ATP2B3: variants seen among roughly 807,000 people sequenced by gnomAD.
ATP2B3 encodes the protein plasma membrane calcium-transporting ATPase 3.
In ATP2B3, 12 loss-of-function variants were observed where a neutral mutation model predicts 70.8. The observed-to-expected ratio is 0.17, with a 90% CI of 0.11 to 0.27. The LOEUF is 0.27. Among genes scored for constraint, ATP2B3 ranks in the 10% least tolerant of loss-of-function variants. The pLI, the probability that ATP2B3 is intolerant of heterozygous loss-of-function variation, is 1.00. For missense variants in ATP2B3, 858 were observed against 1,118.5 expected, an observed-to-expected ratio of 0.77 and a Z score of 3.32; for synonymous variants, 460 against 497.8, an observed-to-expected ratio of 0.92 and a Z score of 1.01.
At chrX:153,538,521 C>T (rs1165377467) in intron 3 of ATP2B3, among the ~76,000 whole-genome samples, 4 of 113,044 alleles carry the variant, frequency 3.5e-5, no homozygotes, top group Non-Finnish European at 7.5e-5. Context: ...GAGGTGGGTT[C>T]GCCCGGGAAC....
intron 9 of ATP2B3, among the ~76,000 whole-genome samples, chrX:153,548,277 GC>G (rs1436768344): frequency 1.1e-5 from 1 of 94,152 alleles, no homozygotes; most frequent in African/African-American, 3.4e-5. Flanking sequence ...TCCAGGCTCT[GC>G]CCCTGGCACC....
At chrX:153,571,674 C>T (rs1007559241) in intron 21 of ATP2B3, among the ~76,000 whole-genome samples, 3 of 112,574 alleles carry the variant, frequency 2.7e-5, no homozygotes, top group Non-Finnish European at 3.8e-5. Context: ...TCCCCACCTC[C>T]GGAGCCTGGC....
chrX:153,530,932 T>C (rs1022449219), intron 2 of ATP2B3, among the ~76,000 whole-genome samples: 4 of 112,396 alleles, frequency 3.6e-5, no homozygotes, highest in African/African-American at 1.3e-4. Flanking sequence ...GCCCAGGAGC[T>C]GCAGCGACGG....
intron 3 of ATP2B3, among the ~76,000 whole-genome samples, chrX:153,537,734 C>T (rs1044364925): frequency 5.3e-5 from 6 of 112,556 alleles, no homozygotes; most frequent in African/African-American, 1.9e-4. Flanking sequence ...GCCCAGCCCC[C>T]GAGGAGGCTG....
chrX:153,559,031 C>T (rs897966156), intron 17 of ATP2B3, among the ~76,000 whole-genome samples: 18 of 45,318 alleles, frequency 4.0e-4, no homozygotes, highest in African/African-American at 1.6e-3. Context: ...CTTTTCAAAA[C>T]AATTTTTTAA....
At chrX:153,542,936 C>A (rs1435182261) in intron 6 of ATP2B3, 107 bp from the exon 7 acceptor site, 1 of 1,050,353 alleles carries the variant, frequency 9.5e-7, no homozygotes, top group East Asian at 3.2e-5. Context: ...AAGGTGGACA[C>A]CGCGTCCCTG....
chrX:153,538,824 C>T (rs781830133), intron 3 of ATP2B3, among the ~76,000 whole-genome samples: 2 of 113,055 alleles, frequency 1.8e-5, no homozygotes, highest in Non-Finnish European at 3.8e-5. Flanking sequence ...GTCGGGACCC[C>T]GAGCCCACAG....
chrX:153,568,431 T>G (rs1190687928), intron 21 of ATP2B3, among the ~76,000 whole-genome samples: 3 of 110,777 alleles, frequency 2.7e-5, no homozygotes, highest in Non-Finnish European at 5.7e-5. Context: ...AAGGCATCTT[T>G]CCTATCCCTC....
chrX:153,541,474 C>T lies in ATP2B3; in HGVS notation c.324C>T (p.Asp108=), dbSNP rs782078825. 2.1e-5 allele frequency: 25 copies of T among 1,210,210 alleles called. No individual in the cohort carries two copies. In the East Asian group the frequency reaches 2.4e-4, roughly 11 times the overall value. ...AGCTGGTGTGGGAGGCCCTGCAGGA[C>T]GTGACCCTCATCATCCTGGAGGTGG... ...FLQLVWEALQ[D]VTLIILEVAA... is the part of the protein sequence containing the mutation. Residue 108 remains aspartate (D), a synonymous_variant, in exon 4 of 22, where the codon GAC becomes GAT. Transcript: ENST00000263519.
Position 153,541,936 on chromosome X carries a change from CT to C in ATP2B3, c.664+11del, listed in dbSNP as rs2090288826. On this transcript the variant is annotated intron_variant, in intron 5 of 21. Coordinates refer to ENST00000263519, the MANE Select transcript of ATP2B3 (RefSeq NM_001001344.3). ...GCCCAGGTCAAGTACGGTGAGTGCC[CT>C]GGTCTTCACCCACCCTGTCAAGGAA... The C allele has an allele frequency of 8.4e-7, 1 of 1,194,997 alleles. No homozygotes were observed. Among genetic ancestry groups the C allele is most frequent in the Non-Finnish European group, 1.1e-6 (1 of 885,541 alleles).
rs188656772 is a variant in ATP2B3, at chrX:153,582,386, T to C, written c.*2088T>C. The C allele has an allele frequency of 8.9e-6, 1 of 112,861 alleles. No individual in the cohort carries two copies. Among genetic ancestry groups the C allele is most frequent in the Admixed American group, 9.4e-5 (1 of 10,681 alleles). 9.3% of individuals were successfully genotyped at this position (112,861 alleles called of 1,213,427 possible). On this transcript the variant is annotated 3_prime_UTR_variant, in exon 22 of 22. Transcript: ENST00000263519. Reference sequence around the variant, plus strand: ...AAACGATAATAAGAAAAAGGGCAACTCCATTTGTTGAGGGTCTTTGTGTTC... The same window carrying C: ...AAACGATAATAAGAAAAAGGGCAACCCCATTTGTTGAGGGTCTTTGTGTTC...
chrX:153,559,681 C>T, intron 17 of ATP2B3, 48 bp from the exon 18 acceptor site: 1 of 1,160,466 alleles, frequency 8.6e-7, no homozygotes, highest in African/African-American at 1.8e-5. Context: ...CACCCCCAAC[C>T]TTCCCGGGCA....
intron 2 of ATP2B3, among the ~76,000 whole-genome samples, chrX:153,528,470 G>A (rs1331242416): frequency 9.0e-6 from 1 of 111,716 alleles, no homozygotes; most frequent in African/African-American, 3.3e-5. Flanking sequence ...GGAGCTCAGG[G>A]GAAAGTGGGG....
intron 2 of ATP2B3, among the ~76,000 whole-genome samples, chrX:153,530,811 G>A (rs1301872423): frequency 9.1e-6 from 1 of 109,505 alleles, no homozygotes; most frequent in Admixed American, 9.6e-5. Context: ...AGCACTGGGG[G>A]CCGGTGGGGG....
At chrX:153,519,601 C>T (rs1603000973) in intron 2 of ATP2B3, among the ~76,000 whole-genome samples, 1 of 112,651 alleles carries the variant, frequency 8.9e-6, no homozygotes, top group African/African-American at 3.2e-5. Flanking sequence ...CAGAGGGTCC[C>T]AGGGTGAGGT....
At chrX:153,538,603 C>T (rs2090230795) in intron 3 of ATP2B3, among the ~76,000 whole-genome samples, 2 of 112,881 alleles carry the variant, frequency 1.8e-5, no homozygotes, top group Admixed American at 9.3e-5. Context: ...CGCTGGGAGC[C>T]GACACGAGAT....
In ATP2B3 at chrX:153,559,918, A is replaced by G; in HGVS notation, c.2815A>G (p.Ile939Val). 8.3e-7 allele frequency: 1 copy of G among 1,211,417 alleles called. No homozygotes were observed. The highest frequency in any genetic ancestry group is 1.7e-5 in the African/African-American group (1 of 57,866). ...GGGCCACGCCGTGTACCAGCTCGCC[A>G]TCATCTTCACCCTGCTGTTTGTCGG... ...ILGHAVYQLA[I>V]IFTLLFVGEL... The change falls in exon 18 of 22, where the codon ATC becomes GTC. Residue 939 changes from isoleucine (I) to valine (V), a missense_variant. Physicochemically the swap from Ile to Val is conservative, Grantham distance 29. This residue lies in a region of ATP2B3 where 265 missense variants were observed against 305.3 expected (regional missense o/e 0.87). Coordinates refer to ENST00000263519, the MANE Select transcript of ATP2B3 (RefSeq NM_001001344.3).
rs1262028397 is a variant in ATP2B3 at position 153,567,038 on chromosome X, C to T, written c.3342+1935C>T. The stretch of plus-strand genomic sequence containing the variant: ...CTGGCATCCTAGGCACCGAACACAG[C>T]GTAGCCTGGGAAGGATGTGTTAGGT... On this transcript the variant is annotated intron_variant, in intron 21 of 21. Coordinates refer to ENST00000263519, the MANE Select transcript of ATP2B3 (RefSeq NM_001001344.3). Among the ~76,000 whole-genome samples, 3 of 112,648 alleles carry T rather than the reference C, an allele frequency of 2.7e-5. No individual in the cohort carries two copies. The Middle Eastern group carries it at 0.014, about 517-fold the overall frequency.
intron 20 of ATP2B3, among the ~76,000 whole-genome samples, chrX:153,562,659 C>T (rs377620667): frequency 7.1e-5 from 8 of 112,199 alleles, no homozygotes; most frequent in Non-Finnish European, 1.1e-4. Context: ...AGTCCCACAT[C>T]GAGCTCTGTG....
Sources: allele counts gnomAD v4.1 joint callset (sites outside exome capture counted in the v4.1 genomes callset), GRCh38; gene constraint gnomAD v4.1.1; regional missense constraint gnomAD v4.1.1; transcripts MANE v1.5; gene names NCBI Gene and HGNC (gene_info 2026-07-23, HGNC 2026-07-21).